Variants in PACSIN2 observed in about 807,000 individuals in gnomAD.
PACSIN2 encodes protein kinase C and casein kinase substrate in neurons protein 2.
PACSIN2 carries 25 observed loss-of-function variants against 63.8 expected under a neutral mutation model. The observed-to-expected ratio is 0.39, with a 90% CI of 0.29 to 0.55. PACSIN2 has a LOEUF of 0.55. Ranked by LOEUF, PACSIN2 falls within the 20% of genes least tolerant of loss-of-function variation. PACSIN2 has a pLI of 0.62. For synonymous variants in PACSIN2, 255 were observed against 256.2 expected (o/e 1.00, Z 0.05); for missense variants, 518 against 646.9 (o/e 0.80, Z 2.16).
intron 1 of PACSIN2, among the ~76,000 whole-genome samples, chr22:42,962,293 A>G (rs1435023135): frequency 2.6e-5 from 4 of 152,176 alleles, no homozygotes; most frequent in African/African-American, 7.2e-5. Context: ...AGGCTGCTCA[A>G]TAAACATTTA....
chr22:42,932,542 A>C (rs1932802874), intron 1 of PACSIN2, among the ~76,000 whole-genome samples: 1 of 152,210 alleles, frequency 6.6e-6, no homozygotes, highest in Admixed American at 6.5e-5. Context: ...AAATGGTGGG[A>C]CAGTAAAGTG....
chr22:42,898,785 GA>G (rs1930472644), intron 2 of PACSIN2, among the ~76,000 whole-genome samples: 1 of 152,094 alleles, frequency 6.6e-6, no homozygotes, highest in Non-Finnish European at 1.5e-5. Flanking sequence ...GTTCCTCTGA[GA>G]ACCCAATGTC....
intron 2 of PACSIN2, among the ~76,000 whole-genome samples, chr22:42,911,627 T>A (rs545066419): frequency 6.6e-6 from 1 of 152,288 alleles, no homozygotes; most frequent in African/African-American, 2.4e-5. Flanking sequence ...TGATGTCAAA[T>A]CACAGCCCTC....
intron 1 of PACSIN2, among the ~76,000 whole-genome samples, chr22:42,926,392 G>T (rs1469083543): frequency 6.6e-6 from 1 of 152,044 alleles, no homozygotes; most frequent in Non-Finnish European, 1.5e-5. Flanking sequence ...AAAACAGCCA[G>T]CATCTCCAGG....
At chr22:42,975,545 C>T (rs1921637413) in intron 1 of PACSIN2, among the ~76,000 whole-genome samples, 1 of 148,602 alleles carries the variant, frequency 6.7e-6, no homozygotes, top group South Asian at 2.1e-4. Flanking sequence ...ACTTATGAGT[C>T]TCTTTTTATA....
At chr22:42,997,658 A>T (rs1177944566) in intron 1 of PACSIN2, among the ~76,000 whole-genome samples, 1 of 152,144 alleles carries the variant, frequency 6.6e-6, no homozygotes. Context: ...TTCTAGGGGG[A>T]AAGAATCTAT....
intron 1 of PACSIN2, among the ~76,000 whole-genome samples, chr22:42,919,794 A>AAAAAAAAAAAAAAG (rs1932060166): frequency 1.9e-5 from 2 of 105,240 alleles, no homozygotes; most frequent in African/African-American, 9.6e-5. Flanking sequence ...AAAAAAAAAA[A>AAAAAAAAAAAAAAG]AAAGAAAGAA....
chr22:42,906,948 G>A (rs986898009), intron 2 of PACSIN2, among the ~76,000 whole-genome samples: 26 of 152,240 alleles, frequency 1.7e-4, no homozygotes, highest in African/African-American at 6.0e-4. Context: ...TAGGAAATGA[G>A]CAATGCCATG....
At chr22:42,978,522 G>A (rs1921860715) in intron 1 of PACSIN2, among the ~76,000 whole-genome samples, 1 of 152,182 alleles carries the variant, frequency 6.6e-6, no homozygotes, top group Non-Finnish European at 1.5e-5. Flanking sequence ...GCAAAGCTGG[G>A]CTCTTCACTC....
chr22:43,001,573 G>A (rs918178443), intron 1 of PACSIN2, among the ~76,000 whole-genome samples: 2 of 152,210 alleles, frequency 1.3e-5, no homozygotes, highest in African/African-American at 4.8e-5. Flanking sequence ...CTGAAGTGTG[G>A]GCACAAAAAC....
intron 1 of PACSIN2, among the ~76,000 whole-genome samples, chr22:42,996,362 T>C (rs143308486): frequency 1.3e-3 from 194 of 151,302 alleles, no homozygotes; most frequent in African/African-American, 4.4e-3. Flanking sequence ...TGAAACCCCA[T>C]CACTACTAAA....
chr22:42,956,618 T>G (rs1933927793), intron 1 of PACSIN2, among the ~76,000 whole-genome samples: 1 of 152,202 alleles, frequency 6.6e-6, no homozygotes, highest in Non-Finnish European at 1.5e-5. Context: ...GGGATGTTTC[T>G]TCATAGTCTT....
chr22:42,921,778 G>A (rs947580466), intron 1 of PACSIN2, among the ~76,000 whole-genome samples: 2 of 147,520 alleles, frequency 1.4e-5, no homozygotes, highest in African/African-American at 5.0e-5. Context: ...CTTTGTCATT[G>A]CCCAGGCTGG....
rs1933009056 is a variant in PACSIN2, at chr22:42,938,573, G to C, written c.-77-26416C>G. Reference sequence around the variant, plus strand: ...TGTGCCAAGGACCACAGCAAGCAGAGGCTGTCCAAACATGAAGAATGCCTC... The same window carrying C: ...TGTGCCAAGGACCACAGCAAGCAGACGCTGTCCAAACATGAAGAATGCCTC... On this transcript the variant is annotated intron_variant, in intron 1 of 10. Coordinates refer to ENST00000263246, the MANE Select transcript of PACSIN2 (RefSeq NM_001184970.3). Among the ~76,000 whole-genome samples the C allele has an allele frequency of 3.3e-5, 5 of 152,198 alleles. 1 individual carries two copies. The highest frequency in any genetic ancestry group is 3.3e-4 in the Admixed American group (5 of 15,282).
At chr22:42,981,364 GC>G (rs1922104835) in intron 1 of PACSIN2, among the ~76,000 whole-genome samples, 2 of 144,312 alleles carry the variant, frequency 1.4e-5, no homozygotes, top group South Asian at 2.2e-4. Flanking sequence ...GGGGGGGTCA[GC>G]CCCCCGCCCG....
In PACSIN2 at chr22:42,891,186, T is replaced by A; in HGVS notation, c.218-4A>T. 6.2e-7 allele frequency: 1 copy of A among 1,607,334 alleles called. No homozygotes were observed. The highest frequency in any genetic ancestry group is 8.5e-7 in the Non-Finnish European group (1 of 1,174,788). Reference sequence around the variant, plus strand: ...TCCACGGTCCCGTACTGGGGCCCTGTGCAGGGGAGAGAAGCTGCGGGTCAC... The same window carrying A: ...TCCACGGTCCCGTACTGGGGCCCTGAGCAGGGGAGAGAAGCTGCGGGTCAC... On this transcript the variant is annotated splice_polypyrimidine_tract_variant and splice_region_variant and intron_variant, in intron 3 of 10. Coordinates refer to ENST00000263246, the MANE Select transcript of PACSIN2 (RefSeq NM_001184970.3).
At chr22:42,981,532 GC>G (rs1922132231) in intron 1 of PACSIN2, among the ~76,000 whole-genome samples, 1 of 103,412 alleles carries the variant, frequency 9.7e-6, no homozygotes, top group Non-Finnish European at 2.0e-5. Context: ...GGGGGGGTCA[GC>G]CCCCCGCCCG....
At chr22:42,891,220 G>T (rs745758475) in intron 3 of PACSIN2, 38 bp from the exon 4 acceptor site, 2 of 1,417,568 alleles carry the variant, frequency 1.4e-6, no homozygotes. Flanking sequence ...ACTCAGCGCC[G>T]GCCATGGTGG....
chr22:42,945,387 T>C (rs1340313423), intron 1 of PACSIN2, among the ~76,000 whole-genome samples: 1 of 152,030 alleles, frequency 6.6e-6, no homozygotes, highest in Non-Finnish European at 1.5e-5. Flanking sequence ...CTCTCTTACG[T>C]CTTCTGTGCC....
Sources: gnomAD v4.1 joint callset for allele counts (sites outside exome capture counted in the v4.1 genomes callset) on GRCh38, gnomAD v4.1.1 for gene constraint, MANE v1.5 for transcripts, NCBI Gene and HGNC (gene_info 2026-07-23, HGNC 2026-07-21) for gene names.